CSMD1: variants seen among roughly 807,000 people sequenced by gnomAD.
CSMD1 encodes the protein CUB and Sushi multiple domains 1, also known as CUB and sushi domain-containing protein 1.
A neutral mutation model predicts 417.5 loss-of-function variants in CSMD1; 213 were observed. The observed-to-expected ratio is 0.51, with a 90% CI of 0.46 to 0.57. The LOEUF (loss-of-function observed/expected upper bound fraction) is 0.57. Ranked by LOEUF, CSMD1 falls within the 20% of genes least tolerant of loss-of-function variation. The probability of loss-of-function intolerance (pLI) is 0.00; values close to 1 mark genes in which losing one functional copy is unlikely to be tolerated. For missense variants in CSMD1, 6,923 were observed against 4,529.7 expected, an observed-to-expected ratio of 1.53 and a Z score of -15.17; for synonymous variants, 2,862 against 1,736.8, an observed-to-expected ratio of 1.65 and a Z score of -16.11.
At chr8:4,396,508 A>G (rs1464601758) in intron 3 of CSMD1, among the ~76,000 whole-genome samples, 2 of 152,250 alleles carry the variant, frequency 1.3e-5, no homozygotes, top group South Asian at 2.1e-4. Context: ...ATCGATTGCC[A>G]AAAGCATACG....
chr8:3,776,939 C>A (rs1226436707), intron 5 of CSMD1, among the ~76,000 whole-genome samples: 2 of 151,892 alleles, frequency 1.3e-5, no homozygotes, highest in African/African-American at 4.8e-5. Context: ...GGTCTCAACT[C>A]TTGATCTCAA....
intron 25 of CSMD1, among the ~76,000 whole-genome samples, chr8:3,285,360 C>A (rs1048919117): frequency 6.6e-6 from 1 of 151,202 alleles, no homozygotes; most frequent in African/African-American, 2.4e-5. Context: ...TCTTTATTTT[C>A]CTACATTTTG....
chr8:3,407,913 T>C lies in CSMD1; in HGVS notation c.2057A>G (p.Asn686Ser), dbSNP rs1444179515. 6.2e-7 allele frequency: 1 copy of C among 1,610,250 alleles called. No individual in the cohort carries two copies. The highest frequency in any genetic ancestry group is 8.5e-7 in the Non-Finnish European group (1 of 1,177,460). ...SDHSTTGRGFNITYTTFGQNE... is the reference protein window; with the variant it reads ...SDHSTTGRGFSITYTTFGQNE... ...GGCGTACTTACTGGTGTAAGTGATG[T>C]TGAACCCTCTGCCAGTAGTGGAATG... The change falls in exon 14 of 70, where the codon AAC becomes AGC. Residue 686 changes from asparagine to serine, a missense_variant. Transcript: ENST00000635120.
intron 18 of CSMD1, among the ~76,000 whole-genome samples, chr8:3,372,617 T>C (rs1445709066): frequency 6.6e-6 from 1 of 152,104 alleles, no homozygotes; most frequent in Non-Finnish European, 1.5e-5. Flanking sequence ...CTGGGGGTGA[T>C]TGTGAGTTCA....
intron 7 of CSMD1, among the ~76,000 whole-genome samples, chr8:3,630,951 G>C (rs1796754812): frequency 6.6e-6 from 1 of 152,174 alleles, no homozygotes; most frequent in African/African-American, 2.4e-5. Flanking sequence ...TCTTCCAAGA[G>C]ATGAGACTGA....
intron 3 of CSMD1, among the ~76,000 whole-genome samples, chr8:4,361,993 G>C (rs1377954088): frequency 1.3e-5 from 2 of 150,818 alleles, no homozygotes; most frequent in Admixed American, 1.3e-4. Flanking sequence ...AATAAATAAA[G>C]TTTCCTATCC....
chr8:3,407,601 G>A (rs1329325304), intron 14 of CSMD1, among the ~76,000 whole-genome samples: 1 of 151,932 alleles, frequency 6.6e-6, no homozygotes, highest in African/African-American at 2.4e-5. Context: ...AATGATGGAT[G>A]GATGAATGGA....
intron 5 of CSMD1, among the ~76,000 whole-genome samples, chr8:3,930,199 G>A (rs988760967): frequency 4.0e-5 from 6 of 150,242 alleles, no homozygotes; most frequent in African/African-American, 1.5e-4. Flanking sequence ...TCTATTAGAT[G>A]ATGATTCTAT....
intron 1 of CSMD1, among the ~76,000 whole-genome samples, chr8:4,955,177 G>A (rs959958992): frequency 3.9e-5 from 6 of 152,226 alleles, no homozygotes; most frequent in Middle Eastern, 3.4e-3. Flanking sequence ...GCAGACCTAC[G>A]GGGCTGTTCC....
chr8:4,095,539 G>T (rs1194475334), intron 3 of CSMD1, among the ~76,000 whole-genome samples: 2 of 152,162 alleles, frequency 1.3e-5, no homozygotes, highest in Non-Finnish European at 2.9e-5. Context: ...ATGTAAACAT[G>T]CAACTTTTAA....
intron 1 of CSMD1, among the ~76,000 whole-genome samples, chr8:4,868,479 G>A (rs896804374): frequency 3.3e-5 from 5 of 151,888 alleles, no homozygotes; most frequent in Non-Finnish European, 7.4e-5. Flanking sequence ...CAGGTGATCC[G>A]CCTGCCTCGG....
intron 6 of CSMD1, among the ~76,000 whole-genome samples, chr8:3,718,258 C>A (rs940572752): frequency 6.6e-6 from 1 of 151,844 alleles, no homozygotes; most frequent in Non-Finnish European, 1.5e-5. Flanking sequence ...TTGACTGCAG[C>A]TCCCATTGTC....
At chr8:4,722,798 T>C (rs1563220681) in intron 1 of CSMD1, among the ~76,000 whole-genome samples, 1 of 152,200 alleles carries the variant, frequency 6.6e-6, no homozygotes. Context: ...TCAGGAATAC[T>C]TGTTTTCTTC....
chr8:3,073,951 C>G (rs1585280987), intron 49 of CSMD1, among the ~76,000 whole-genome samples: 1 of 152,154 alleles, frequency 6.6e-6, no homozygotes, highest in African/African-American at 2.4e-5. Context: ...AATTATTCCA[C>G]ACATAGAGGC....
chr8:4,858,188 GA>G (rs1486895320), intron 1 of CSMD1, among the ~76,000 whole-genome samples: 3 of 148,752 alleles, frequency 2.0e-5, no homozygotes, highest in Non-Finnish European at 4.5e-5. Context: ...AATAGATGCA[GA>G]AAAAGCCTTT....
Position 3,097,003 on chromosome 8 carries a change from T to A in CSMD1, c.6984A>T (p.Ser2328=). Residue 2328 remains serine, a synonymous_variant, in exon 47 of 70, where the codon TCA becomes TCT. Transcript: ENST00000635120. ...ACCCTGGACTGAGAATGACTCCCGA[T>A]GATCCAGTCCGGACTTCATTTGCTG... ...QCPANEVRTG[S]SGVILSPGYP... 1 of 1,555,604 alleles carries A rather than the reference T, an allele frequency of 6.4e-7. No individual in the cohort carries two copies. Among genetic ancestry groups the A allele is most frequent in the East Asian group, 2.4e-5 (1 of 41,560 alleles).
intron 3 of CSMD1, among the ~76,000 whole-genome samples, chr8:4,059,046 A>G (rs1023776820): frequency 2.0e-5 from 3 of 152,122 alleles, no homozygotes; most frequent in African/African-American, 7.2e-5. Context: ...TTGGAAGTAA[A>G]GCTCTCCTCA....
intron 5 of CSMD1, among the ~76,000 whole-genome samples, chr8:3,825,872 C>A (rs185823838): frequency 6.6e-6 from 1 of 152,168 alleles, no homozygotes; most frequent in Non-Finnish European, 1.5e-5. Context: ...TACACTAGGG[C>A]AAGATCAGAA....
At chr8:4,762,486 G>T (rs111843443) in intron 1 of CSMD1, among the ~76,000 whole-genome samples, 2 of 152,032 alleles carry the variant, frequency 1.3e-5, no homozygotes, top group Admixed American at 6.6e-5. Flanking sequence ...TTAAATTACA[G>T]ATATCAAATT....
Sources: allele counts gnomAD v4.1 joint callset (sites outside exome capture counted in the v4.1 genomes callset), GRCh38; gene constraint gnomAD v4.1.1; transcripts MANE v1.5; gene names NCBI Gene and HGNC (gene_info 2026-07-23, HGNC 2026-07-21).